The following ACYP2 variants were observed in gnomAD, a reference collection of about 807,000 sequenced individuals.
ACYP2 encodes acylphosphatase-2.
ACYP2 carries 12 observed loss-of-function variants against 11.2 expected under a neutral mutation model. The ratio of observed to expected loss-of-function variants is 1.08; its 90% confidence interval spans 0.69 to 1.74. The LOEUF is 1.74. Ranked by LOEUF, ACYP2 falls within the 40% of genes most tolerant of loss-of-function variation. The pLI is 0.00. For missense variants in ACYP2, 134 were observed against 101.9 expected (o/e 1.31, Z -1.35); for synonymous variants, 43 against 32.2 (o/e 1.33, Z -1.13).
chr2:53,973,832 AT>A (rs1671302139), intron 2 of ACYP2: 1 of 244,370 alleles, frequency 4.1e-6, no homozygotes. Flanking sequence ...AAAAGGAGGG[AT>A]TTTTGAATGT....
chr2:54,165,531 TCTCTCACACACACACA>T (rs57398187), intron 6 of ACYP2, among the ~76,000 whole-genome samples: 1,462 of 119,654 alleles, frequency 0.012, 32 homozygotes, highest in African/African-American at 0.039. Flanking sequence ...TCTCTCTCTC[TCTCTCACACACACACA>T]CACACACACA....
At chr2:54,043,652 C>A (rs1360976882) in intron 2 of ACYP2, among the ~76,000 whole-genome samples, 2 of 152,222 alleles carry the variant, frequency 1.3e-5, no homozygotes, top group African/African-American at 4.8e-5. Flanking sequence ...CATTTAAAAT[C>A]ATGAAGGCGA....
chr2:54,202,405 C>CTTTTTTTTTTTTT (rs61634500), intron 6 of ACYP2, among the ~76,000 whole-genome samples: 2 of 116,372 alleles, frequency 1.7e-5, no homozygotes, highest in African/African-American at 3.6e-5. Flanking sequence ...CTGTGCCTGG[C>CTTTTTTTTTTTTT]TTTTTTTTTT....
At chr2:54,070,444 A>T (rs188916046) in intron 4 of ACYP2, among the ~76,000 whole-genome samples, 354 of 152,200 alleles carry the variant, frequency 2.3e-3, no homozygotes, top group African/African-American at 8.2e-3. Flanking sequence ...TTTCATGAGG[A>T]TGAATTTTAC....
intron 6 of ACYP2, among the ~76,000 whole-genome samples, chr2:54,294,014 A>G (rs1182811386): frequency 2.0e-5 from 3 of 152,202 alleles, no homozygotes; most frequent in African/African-American, 4.8e-5. Context: ...ATTTTCCAAC[A>G]TGCATCACAT....
At chr2:54,060,622 A>G (rs1306869996) in intron 4 of ACYP2, among the ~76,000 whole-genome samples, 1 of 152,220 alleles carries the variant, frequency 6.6e-6, no homozygotes, top group African/African-American at 2.4e-5. Flanking sequence ...AGTAGGTTCT[A>G]CTAATTTATT....
intron 4 of ACYP2, among the ~76,000 whole-genome samples, chr2:54,132,867 C>T (rs937092022): frequency 1.1e-4 from 17 of 151,820 alleles, no homozygotes; most frequent in East Asian, 1.9e-4. Flanking sequence ...GCCTCAGCCT[C>T]CCAAGTAGCT....
chr2:54,061,043 C>G (rs577689911), intron 4 of ACYP2, among the ~76,000 whole-genome samples: 2 of 152,178 alleles, frequency 1.3e-5, no homozygotes, highest in East Asian at 3.9e-4. Flanking sequence ...TTCATAGAGG[C>G]ATGGTCTCCC....
chr2:54,259,703 T>C (rs1054073218), intron 6 of ACYP2, among the ~76,000 whole-genome samples: 12 of 144,868 alleles, frequency 8.3e-5, no homozygotes, highest in Non-Finnish European at 4.5e-5. Flanking sequence ...GAAATGGAGA[T>C]TGAATATTGA....
chr2:53,990,481 T>A (rs1308121161), intron 2 of ACYP2, among the ~76,000 whole-genome samples: 1 of 151,216 alleles, frequency 6.6e-6, no homozygotes, highest in Non-Finnish European at 1.5e-5. Flanking sequence ...AAACCCCAAA[T>A]ATACTAAATA....
chr2:54,078,410 C>CATATA (rs1360965705), intron 4 of ACYP2, among the ~76,000 whole-genome samples: 1 of 75,832 alleles, frequency 1.3e-5, no homozygotes, highest in Non-Finnish European at 2.6e-5. Context: ...TATATGCGTA[C>CATATA]CATATATGGT....
intron 4 of ACYP2, among the ~76,000 whole-genome samples, chr2:54,089,817 T>C (rs983835302): frequency 6.6e-6 from 1 of 152,014 alleles, no homozygotes; most frequent in African/African-American, 2.4e-5. Flanking sequence ...TAATTCAGCA[T>C]TTTTCCCACT....
intron 6 of ACYP2, among the ~76,000 whole-genome samples, chr2:54,147,557 C>T (rs146908889): frequency 2.5e-3 from 383 of 152,236 alleles, no homozygotes; most frequent in Non-Finnish European, 4.5e-3. Context: ...CAGGATCTTG[C>T]TCTGTTGCCC....
intron 6 of ACYP2, among the ~76,000 whole-genome samples, chr2:54,224,920 A>T (rs1685946101): frequency 6.6e-6 from 1 of 152,230 alleles, no homozygotes; most frequent in African/African-American, 2.4e-5. Flanking sequence ...TGGGGCAAAA[A>T]AAGTAGGCAG....
At chr2:54,105,902 T>C (rs1394875997) in intron 4 of ACYP2, among the ~76,000 whole-genome samples, 3 of 151,932 alleles carry the variant, frequency 2.0e-5, no homozygotes, top group Non-Finnish European at 2.9e-5. Context: ...TTGAAGGCAG[T>C]GTGGCAGAGT....
In ACYP2 at chr2:54,007,864, G is replaced by GA. The variant is rs200226492; in HGVS notation, c.62+34062dup. ...TGGGTGACAGAGTGAGACTCTGACTGAAAAAAAACAAACAAAAACAAACAA... is the reference window on the plus strand; with the variant it reads ...TGGGTGACAGAGTGAGACTCTGACTGAAAAAAAAACAAACAAAAACAAACAA... On this transcript the variant is annotated intron_variant, in intron 2 of 6. Transcript: ENST00000607452. Among the ~76,000 whole-genome samples, 527 of 151,168 alleles carry GA rather than the reference G, an allele frequency of 3.5e-3. 4 individuals are homozygous for GA. The highest frequency in any genetic ancestry group is 0.012 in the African/African-American group (488 of 41,180).
chr2:54,170,597 C>T (rs1018304502), intron 6 of ACYP2, among the ~76,000 whole-genome samples: 2 of 150,770 alleles, frequency 1.3e-5, no homozygotes, highest in African/African-American at 4.9e-5. Flanking sequence ...ACAGAATAGA[C>T]ACAGTCTCTT....
chr2:53,985,859 T>C (rs1166548612), intron 2 of ACYP2, among the ~76,000 whole-genome samples: 1 of 152,124 alleles, frequency 6.6e-6, no homozygotes, highest in African/African-American at 2.4e-5. Context: ...GGTTGACCAG[T>C]GCTCAGTGGC....
chr2:54,192,928 A>G (rs1311456245), intron 6 of ACYP2, among the ~76,000 whole-genome samples: 1 of 152,168 alleles, frequency 6.6e-6, no homozygotes, highest in East Asian at 1.9e-4. Flanking sequence ...TACCCCCATG[A>G]TTCAGTTACC....
Sources: gnomAD v4.1 joint callset for allele counts (sites outside exome capture counted in the v4.1 genomes callset) on GRCh38, gnomAD v4.1.1 for gene constraint, MANE v1.5 for transcripts, NCBI Gene and HGNC (gene_info 2026-07-23, HGNC 2026-07-21) for gene names.